Variants in RBFOX1 observed in about 807,000 individuals in gnomAD.
RBFOX1 encodes the protein RNA binding fox-1 homolog 1, also known as RNA binding protein fox-1 homolog 1.
RBFOX1 carries 8 observed loss-of-function variants against 57.7 expected under a neutral mutation model. The ratio of observed to expected loss-of-function variants is 0.14; its 90% confidence interval spans 0.08 to 0.25. RBFOX1 has a LOEUF of 0.25. RBFOX1 is among the 10% of genes least tolerant of loss of function. The pLI is 1.00. For synonymous variants in RBFOX1, 326 were observed against 222.4 expected, an observed-to-expected ratio of 1.47 and a Z score of -4.15; for missense variants, 611 against 548.5, an observed-to-expected ratio of 1.11 and a Z score of -1.14.
At chr16:5,582,468 C>T (rs935864398) in intron 2 of RBFOX1, among the ~76,000 whole-genome samples, 13 of 151,724 alleles carry the variant, frequency 8.6e-5, no homozygotes, top group Non-Finnish European at 1.2e-4. Flanking sequence ...AAACCAAGAC[C>T]AGAGAGGTTA....
intron 4 of RBFOX1, among the ~76,000 whole-genome samples, chr16:5,901,480 A>C (rs902665046): frequency 2.0e-5 from 3 of 152,204 alleles, no homozygotes; most frequent in Non-Finnish European, 4.4e-5. Flanking sequence ...AGGTTTGCCT[A>C]TAATTTCCCT....
intron 13 of RBFOX1, among the ~76,000 whole-genome samples, chr16:7,668,229 CG>C (rs1352595579): frequency 6.6e-6 from 1 of 152,114 alleles, no homozygotes; most frequent in East Asian, 1.9e-4. Flanking sequence ...TTGGAGCCCT[CG>C]GGCATTTTTT....
At chr16:5,948,471 G>T (rs539040071) in intron 4 of RBFOX1, among the ~76,000 whole-genome samples, 1 of 152,238 alleles carries the variant, frequency 6.6e-6, no homozygotes, top group East Asian at 1.9e-4. Flanking sequence ...GGCCATATTT[G>T]GAAATAAGGC....
intron 1 of RBFOX1, among the ~76,000 whole-genome samples, chr16:6,072,304 G>A (rs1047047410): frequency 2.6e-5 from 4 of 152,066 alleles, no homozygotes; most frequent in African/African-American, 9.7e-5. Context: ...CCAATTTAAG[G>A]TGAAATTTAG....
intron 5 of RBFOX1, among the ~76,000 whole-genome samples, chr16:7,543,912 A>C (rs1454501342): frequency 6.6e-6 from 1 of 151,540 alleles, no homozygotes; most frequent in Non-Finnish European, 1.5e-5. Flanking sequence ...GTAGAGACAG[A>C]GTTTCACCAT....
chr16:5,953,706 A>T (rs1438968657), intron 4 of RBFOX1, among the ~76,000 whole-genome samples: 3 of 122,286 alleles, frequency 2.5e-5, no homozygotes, highest in African/African-American at 9.7e-5. Context: ...CTTCTGTCTT[A>T]TATATATATA....
At chr16:6,266,919 T>C (rs1182432019) in intron 1 of RBFOX1, among the ~76,000 whole-genome samples, 1 of 152,210 alleles carries the variant, frequency 6.6e-6, no homozygotes, top group Admixed American at 6.5e-5. Context: ...CTGAATTCCA[T>C]ACTCTTAGCA....
intron 3 of RBFOX1, among the ~76,000 whole-genome samples, chr16:7,035,339 G>C (rs532510613): frequency 1.3e-5 from 2 of 152,192 alleles, no homozygotes; most frequent in Admixed American, 6.5e-5. Flanking sequence ...CCTAGTTAAA[G>C]GGTTCCACAG....
chr16:6,840,901 A>AG (rs2093424742), intron 3 of RBFOX1, among the ~76,000 whole-genome samples: 1 of 151,354 alleles, frequency 6.6e-6, no homozygotes, highest in African/African-American at 2.4e-5. Context: ...AAAAAAAAAA[A>AG]AAACGAAAAA....
intron 4 of RBFOX1, among the ~76,000 whole-genome samples, chr16:5,993,710 A>T (rs1369743686): frequency 6.6e-6 from 1 of 152,126 alleles, no homozygotes; most frequent in East Asian, 1.9e-4. Context: ...AATTAATATC[A>T]TTTGACCTTT....
At chr16:6,559,317 A>G (rs1038442827) in intron 2 of RBFOX1, among the ~76,000 whole-genome samples, 1 of 151,966 alleles carries the variant, frequency 6.6e-6, no homozygotes, top group Non-Finnish European at 1.5e-5. Flanking sequence ...TCTCTCACAT[A>G]TATTTAGAAC....
intron 2 of RBFOX1, among the ~76,000 whole-genome samples, chr16:6,399,101 C>A (rs553588059): frequency 6.6e-6 from 1 of 152,206 alleles, no homozygotes; most frequent in Non-Finnish European, 1.5e-5. Context: ...GGGCTTGCAC[C>A]CTCTGAAGCA....
At chr16:5,416,458 T>C (rs1205647372) in intron 1 of RBFOX1, among the ~76,000 whole-genome samples, 1 of 152,156 alleles carries the variant, frequency 6.6e-6, no homozygotes, top group Non-Finnish European at 1.5e-5. Context: ...CCCGTGTCGG[T>C]TGGGCAGAAG....
At chr16:7,355,901 C>G (rs747909557) in intron 4 of RBFOX1, among the ~76,000 whole-genome samples, 3 of 152,156 alleles carry the variant, frequency 2.0e-5, no homozygotes, top group African/African-American at 4.8e-5. Flanking sequence ...CTGCTGACAG[C>G]CAAAGGCAAT....
At chr16:6,721,486 C>T (rs1363743295) in intron 3 of RBFOX1, among the ~76,000 whole-genome samples, 1 of 152,138 alleles carries the variant, frequency 6.6e-6, no homozygotes, top group Non-Finnish European at 1.5e-5. Flanking sequence ...TTTAAGTGTA[C>T]AGTTCTGTAA....
chr16:7,357,837 C>G (rs2097247514), intron 4 of RBFOX1, among the ~76,000 whole-genome samples: 1 of 152,202 alleles, frequency 6.6e-6, no homozygotes, highest in Non-Finnish European at 1.5e-5. Flanking sequence ...TTACTCTCCT[C>G]TAAGGCTTCT....
At chr16:6,412,792 G>C (rs926399742) in intron 2 of RBFOX1, among the ~76,000 whole-genome samples, 11 of 152,184 alleles carry the variant, frequency 7.2e-5, no homozygotes, top group Non-Finnish European at 1.5e-4. Flanking sequence ...GTGAGCAAGA[G>C]TGTGGAATTG....
chr16:6,441,105 G>A (rs2094369713), intron 2 of RBFOX1, among the ~76,000 whole-genome samples: 1 of 152,172 alleles, frequency 6.6e-6, no homozygotes, highest in East Asian at 1.9e-4. Context: ...GAGGCAGTGA[G>A]CCCAGTGCCG....
At chr16:7,121,235 T>A (rs1372358646) in intron 4 of RBFOX1, among the ~76,000 whole-genome samples, 2 of 152,048 alleles carry the variant, frequency 1.3e-5, no homozygotes, top group African/African-American at 4.8e-5. Context: ...ACCAAACTTA[T>A]GCCACATAGT....
Sources: allele counts gnomAD v4.1 joint callset (sites outside exome capture counted in the v4.1 genomes callset), GRCh38; gene constraint gnomAD v4.1.1; transcripts MANE v1.5; gene names NCBI Gene and HGNC (gene_info 2026-07-23, HGNC 2026-07-21).